The following SLC12A6 variants were observed in gnomAD, a reference collection of about 807,000 sequenced individuals.
The protein encoded by SLC12A6 is solute carrier family 12 member 6.
SLC12A6 carries 66 observed loss-of-function variants against 135.3 expected under a neutral mutation model. That is an observed-to-expected ratio of 0.49 (90% CI 0.40 to 0.60). SLC12A6 has a LOEUF of 0.60. Among genes scored for constraint, SLC12A6 ranks in the 20% least tolerant of loss-of-function variants. The pLI, the probability that SLC12A6 is intolerant of heterozygous loss-of-function variation, is 0.00. For synonymous variants in SLC12A6, 513 were observed against 508.8 expected, an observed-to-expected ratio of 1.01 and a Z score of -0.11; for missense variants, 1,058 against 1,452.3, an observed-to-expected ratio of 0.73 and a Z score of 4.41.
At chr15:34,310,012 T>C (rs929066730) in intron 2 of SLC12A6, among the ~76,000 whole-genome samples, 6 of 152,044 alleles carry the variant, frequency 3.9e-5, no homozygotes, top group Non-Finnish European at 7.4e-5. Context: ...AATCTTTTTT[T>C]TTTTTTGAGA....
At chr15:34,246,868 C>T (rs2140701344) in intron 13 of SLC12A6, among the ~76,000 whole-genome samples, 1 of 152,280 alleles carries the variant, frequency 6.6e-6, no homozygotes, top group South Asian at 2.1e-4. Flanking sequence ...CCAGGCTTGT[C>T]ATGAACTCCT....
intron 2 of SLC12A6, among the ~76,000 whole-genome samples, chr15:34,331,468 G>C (rs189497920): frequency 1.3e-3 from 199 of 152,294 alleles, no homozygotes; most frequent in African/African-American, 4.5e-3. Flanking sequence ...AAGCTCTCTA[G>C]ATCATTCATT....
rs1890878747 is a variant in SLC12A6, at chr15:34,230,887, C to CT, written c.*2993dup. 6.6e-6 allele frequency: 1 copy of CT among 152,542 alleles called. No homozygotes were observed. The highest frequency in any genetic ancestry group is 1.5e-5 in the Non-Finnish European group (1 of 68,034). 9.4% of individuals were successfully genotyped at this position (152,542 alleles called of 1,614,324 possible). On this transcript the variant is annotated 3_prime_UTR_variant, in exon 26 of 26. Coordinates refer to ENST00000354181, the MANE Select transcript of SLC12A6 (RefSeq NM_001365088.1). ...TTAAAAGCCACTAATTCCCTTATCC[C>CT]TTTAAAAGATTTTTACAATTCTCCA...
chr15:34,292,678 C>A (rs1022523612), intron 2 of SLC12A6, among the ~76,000 whole-genome samples: 2 of 152,168 alleles, frequency 1.3e-5, no homozygotes, highest in Non-Finnish European at 2.9e-5. Flanking sequence ...ACTTTGTTTA[C>A]TCCAAGTGAG....
chr15:34,336,956 C>T, intron 1 of SLC12A6: 4 of 472,128 alleles, frequency 8.5e-6, no homozygotes, highest in South Asian at 6.3e-5. Flanking sequence ...TGTGTGACTT[C>T]TTTCCTTCAG....
chr15:34,261,640 A>C (rs1350832780), intron 3 of SLC12A6, among the ~76,000 whole-genome samples: 1 of 152,156 alleles, frequency 6.6e-6, no homozygotes, highest in Non-Finnish European at 1.5e-5. Context: ...GGAGGAAAAA[A>C]AGATATTGAG....
At chr15:34,237,238 T>C (rs1891325350) in intron 22 of SLC12A6, 181 bp downstream of exon 22, 2 of 551,394 alleles carry the variant, frequency 3.6e-6, no homozygotes, top group Non-Finnish European at 6.5e-6. Flanking sequence ...ACATCAAACA[T>C]GCATCACATA....
At chr15:34,283,572 C>T (rs1894827515) in intron 2 of SLC12A6, among the ~76,000 whole-genome samples, 1 of 151,768 alleles carries the variant, frequency 6.6e-6, no homozygotes. Context: ...TGAGAAGACC[C>T]TAAGATGGGA....
At chr15:34,280,318 T>C (rs1328230300) in intron 2 of SLC12A6, among the ~76,000 whole-genome samples, 1 of 152,188 alleles carries the variant, frequency 6.6e-6, no homozygotes, top group Non-Finnish European at 1.5e-5. Context: ...CCCAATTCTT[T>C]AGATAAAGAA....
chr15:34,287,179 G>T (rs138380602), intron 2 of SLC12A6, among the ~76,000 whole-genome samples: 1 of 152,056 alleles, frequency 6.6e-6, no homozygotes, highest in Non-Finnish European at 1.5e-5. Flanking sequence ...TCCCCTCCCT[G>T]TGTCCATGTG....
intron 11 of SLC12A6, 27 bp downstream of exon 11, chr15:34,250,872 A>G (rs764750204): frequency 6.3e-7 from 1 of 1,594,604 alleles, no homozygotes; most frequent in South Asian, 1.1e-5. Context: ...GACAGCTTCT[A>G]AAATATACAA....
chr15:34,238,465 G>T, intron 20 of SLC12A6, 64 bp from the exon 21 acceptor site: 1 of 1,231,848 alleles, frequency 8.1e-7, no homozygotes, highest in Non-Finnish European at 1.2e-6. Flanking sequence ...TAGCATGTCA[G>T]GAAAGCAAGG....
intron 2 of SLC12A6, among the ~76,000 whole-genome samples, chr15:34,276,567 C>T (rs897021375): frequency 3.3e-5 from 5 of 152,124 alleles, no homozygotes; most frequent in African/African-American, 9.7e-5. Flanking sequence ...TCTCTTGAGA[C>T]GCTGATGATT....
At chr15:34,330,125 G>T (rs997208556) in intron 2 of SLC12A6, among the ~76,000 whole-genome samples, 5 of 151,936 alleles carry the variant, frequency 3.3e-5, no homozygotes, top group African/African-American at 7.3e-5. Flanking sequence ...TTTTTCAATT[G>T]TTTTATGCAC....
intron 2 of SLC12A6, among the ~76,000 whole-genome samples, chr15:34,296,967 G>GA (rs1156404136): frequency 6.6e-6 from 1 of 152,058 alleles, no homozygotes; most frequent in African/African-American, 2.4e-5. Flanking sequence ...TCAAATTTTT[G>GA]AAAATTTAAC....
chr15:34,296,611 C>T (rs1895891500), intron 2 of SLC12A6, among the ~76,000 whole-genome samples: 1 of 152,122 alleles, frequency 6.6e-6, no homozygotes, highest in Non-Finnish European at 1.5e-5. Flanking sequence ...GAAATAATTA[C>T]AAATAGTCAG....
At chr15:34,332,310 G>GT (rs1889903134) in intron 2 of SLC12A6, among the ~76,000 whole-genome samples, 1 of 152,152 alleles carries the variant, frequency 6.6e-6, no homozygotes, top group Admixed American at 6.5e-5. Context: ...ATTGCTCAGA[G>GT]TAACAAATAT....
At chr15:34,304,155 G>A (rs970808306) in intron 2 of SLC12A6, among the ~76,000 whole-genome samples, 3 of 151,964 alleles carry the variant, frequency 2.0e-5, no homozygotes, top group Non-Finnish European at 4.4e-5. Context: ...CATTTCCTAC[G>A]AATGGAATCA....
chr15:34,245,840 C>T lies in SLC12A6; in HGVS notation c.1677G>A (p.Leu559=). ...ATGGCCAAGATAAGGTGCCTACCAC[C>T]AAATTACCTTTCACAGCATCACCGA... ...DKFGDAVKGN[L]VVGTLSWPSP... Residue 559 remains leucine, a synonymous_variant, in exon 14 of 26, where the codon TTG becomes TTA. Transcript: ENST00000354181. 1.2e-6 allele frequency: 2 copies of T among 1,613,186 alleles called. No individual in the cohort carries two copies. The highest frequency in any genetic ancestry group is 1.7e-6 in the Non-Finnish European group (2 of 1,179,184).
Sources: gnomAD v4.1 joint callset for allele counts (sites outside exome capture counted in the v4.1 genomes callset) on GRCh38, gnomAD v4.1.1 for gene constraint, MANE v1.5 for transcripts, NCBI Gene and HGNC (gene_info 2026-07-23, HGNC 2026-07-21) for gene names.